The following PTBP3 variants were observed in gnomAD, a reference collection of about 807,000 sequenced individuals.
The protein encoded by PTBP3 is polypyrimidine tract-binding protein 3.
A neutral mutation model predicts 58.7 loss-of-function variants in PTBP3; 20 were observed. The ratio of observed to expected loss-of-function variants is 0.34; its 90% CI spans 0.24 to 0.50. The LOEUF is 0.50. PTBP3 is among the 20% of genes least tolerant of loss of function. The pLI is 0.98. For synonymous variants in PTBP3, 185 were observed against 219.8 expected (o/e 0.84, Z 1.40); for missense variants, 509 against 637.2 (o/e 0.80, Z 2.17).
At chr9:112,330,502 T>A in intron 1 of PTBP3, 1 of 1,469,960 alleles carries the variant, frequency 6.8e-7, no homozygotes, top group Non-Finnish European at 9.3e-7. Flanking sequence ...AAAGAGAAAA[T>A]GGAAAACAAA....
At chr9:112,359,425 G>A in the PTBP3 span, among the ~76,000 whole-genome samples, 2 of 152,014 alleles carry the variant, frequency 1.3e-5, no homozygotes, top group African/African-American at 4.8e-5. Flanking sequence ...CAGCCTGAGC[G>A]ACAGAGCAAG....
At chr9:112,343,104 G>A in the PTBP3 span, among the ~76,000 whole-genome samples, 1 of 152,140 alleles carries the variant, frequency 6.6e-6, no homozygotes, top group East Asian at 1.9e-4. Flanking sequence ...GATGAGCCTA[G>A]AGTATCTTGA....
chr9:112,363,669 C>A, the PTBP3 span, among the ~76,000 whole-genome samples: 3 of 152,116 alleles, frequency 2.0e-5, no homozygotes, highest in African/African-American at 7.2e-5. Flanking sequence ...ATCCCTATGC[C>A]AATACCACAT....
the PTBP3 span, among the ~76,000 whole-genome samples, chr9:112,364,413 C>T: frequency 1.3e-5 from 2 of 152,066 alleles, no homozygotes; most frequent in African/African-American, 4.8e-5. Context: ...AATCCCAGCA[C>T]TTTGGGAAAC....
At chr9:112,321,535 A>AG (rs1829951704) in intron 1 of PTBP3, among the ~76,000 whole-genome samples, 4 of 151,256 alleles carry the variant, frequency 2.6e-5, no homozygotes, top group Admixed American at 2.6e-4. Flanking sequence ...TCTGAAAAAA[A>AG]AAAAAAAGAA....
At chr9:112,309,660 C>T (rs368318522) in intron 1 of PTBP3, among the ~76,000 whole-genome samples, 1 of 151,688 alleles carries the variant, frequency 6.6e-6, no homozygotes, top group South Asian at 2.1e-4. Flanking sequence ...TGGTGGTGGA[C>T]GCCTGTAATC....
intron 2 of PTBP3, among the ~76,000 whole-genome samples, chr9:112,283,053 T>C (rs1329636912): frequency 1.3e-5 from 2 of 152,222 alleles, no homozygotes; most frequent in African/African-American, 4.8e-5. Flanking sequence ...TCTGCCATGA[T>C]TGTAAATTTC....
intron 3 of PTBP3, among the ~76,000 whole-genome samples, chr9:112,270,972 G>A (rs1403737308): frequency 3.9e-5 from 6 of 151,920 alleles, no homozygotes; most frequent in Non-Finnish European, 8.8e-5. Context: ...GATTACAGGT[G>A]CACGCCACCA....
Position 112,286,537 on chromosome 9 carries a change from C to A in PTBP3, c.35-10524G>T, listed in dbSNP as rs550282895. 2.6e-5 allele frequency among the ~76,000 whole-genome samples: 4 copies of A among 152,182 alleles called. No homozygotes were observed. The East Asian group carries it at 7.7e-4, about 29-fold the overall frequency. ...AGTACCTTCAAATAATATTAAAACA[C>A]CTCAGTACACTGTAAGAACCTTCCA... On this transcript the variant is annotated intron_variant, in intron 2 of 13. Coordinates refer to ENST00000374257, the MANE Select transcript of PTBP3 (RefSeq NM_001163788.4).
chr9:112,302,582 C>CTTTTTTTTTTTTTTTTTTTTTT (rs369208342), intron 1 of PTBP3, among the ~76,000 whole-genome samples: 7 of 110,496 alleles, frequency 6.3e-5, no homozygotes, highest in African/African-American at 2.2e-4. Flanking sequence ...TATTCTTCAT[C>CTTTTTTTTTTTTTTTTTTTTTT]TTTTTTTTTT....
At chr9:112,330,587 AAAT>A (rs2132490772) in intron 1 of PTBP3, 1 of 670,268 alleles carries the variant, frequency 1.5e-6, no homozygotes, top group Non-Finnish European at 2.5e-6. Flanking sequence ...CAAATAATAA[AAAT>A]AAGAATGTGA....
the PTBP3 span, among the ~76,000 whole-genome samples, chr9:112,343,856 G>T: frequency 6.7e-6 from 1 of 149,962 alleles, no homozygotes; most frequent in Non-Finnish European, 1.5e-5. Context: ...TAATGCAATT[G>T]AATTTCATTT....
the PTBP3 span, among the ~76,000 whole-genome samples, chr9:112,352,310 T>A: frequency 0.39 from 59,339 of 151,852 alleles, 12,954 homozygotes; most frequent in Middle Eastern, 0.52. Context: ...TACAGTTTTT[T>A]AAATTTTTTT....
chr9:112,337,287 C>T (rs546120014), upstream of PTBP3, among the ~76,000 whole-genome samples: 3 of 152,330 alleles, frequency 2.0e-5, no homozygotes, highest in African/African-American at 7.2e-5. Context: ...GCCTCCACCT[C>T]CCAAAGTGCT....
At chr9:112,327,836 A>G (rs1245780473) in intron 1 of PTBP3, among the ~76,000 whole-genome samples, 4 of 152,084 alleles carry the variant, frequency 2.6e-5, no homozygotes, top group Non-Finnish European at 4.4e-5. Context: ...AGAAAGCTTA[A>G]GTTCCTGTAT....
intron 8 of PTBP3, among the ~76,000 whole-genome samples, chr9:112,234,111 A>C (rs1294715241): frequency 6.6e-6 from 1 of 152,176 alleles, no homozygotes; most frequent in South Asian, 2.1e-4. Context: ...TCATTCCCCT[A>C]ATCACCAACC....
chr9:112,275,596 A>T (rs571428741), intron 3 of PTBP3, among the ~76,000 whole-genome samples: 1 of 152,278 alleles, frequency 6.6e-6, no homozygotes, highest in African/African-American at 2.4e-5. Context: ...AAACAAATTT[A>T]AAAAAATATA....
At chr9:112,319,982 T>C (rs750784349) in intron 1 of PTBP3, among the ~76,000 whole-genome samples, 7 of 152,126 alleles carry the variant, frequency 4.6e-5, no homozygotes, top group Non-Finnish European at 5.9e-5. Flanking sequence ...GCTGAAATCA[T>C]AGAAGCTGAG....
the PTBP3 span, among the ~76,000 whole-genome samples, chr9:112,374,558 G>T: frequency 6.6e-6 from 1 of 152,156 alleles, no homozygotes; most frequent in African/African-American, 2.4e-5. Flanking sequence ...AGTTGGTGTT[G>T]TAATTGTGAC....
Sources: gnomAD v4.1 joint callset for allele counts (sites outside exome capture counted in the v4.1 genomes callset) on GRCh38, gnomAD v4.1.1 for gene constraint, MANE v1.5 for transcripts, NCBI Gene and HGNC (gene_info 2026-07-23, HGNC 2026-07-21) for gene names.